The following FABP4 variants were observed in gnomAD, a reference collection of about 807,000 sequenced individuals.
FABP4 encodes the protein fatty acid-binding protein, adipocyte.
Under a neutral mutation model 14.6 loss-of-function variants are expected in FABP4, and 17 were observed. The observed-to-expected ratio is 1.16, with a 90% CI of 0.80 to 1.74. The LOEUF (loss-of-function observed/expected upper bound fraction) is 1.74, where lower values mean the gene tolerates loss of function less well. Ranked by LOEUF, FABP4 falls within the 40% of genes most tolerant of loss-of-function variation. The pLI is 0.00. For synonymous variants in FABP4, 54 were observed against 54.6 expected (o/e 0.99, Z 0.05); for missense variants, 149 against 160.3 (o/e 0.93, Z 0.38).
intron 1 of FABP4, 59 bp downstream of exon 1, chr8:81,483,036 A>G: frequency 7.1e-7 from 1 of 1,413,678 alleles, no homozygotes; most frequent in Non-Finnish European, 9.8e-7. Flanking sequence ...ACAGCTGTAA[A>G]CTCTTTTTCC....
chr8:81,478,819 T>G lies in FABP4; in HGVS notation c.*46A>C. ...TTTGAACAATATATCCCACAGAATG[T>G]TGTAGAGTTCAATGCGAACTTCAGT... On this transcript the variant is annotated 3_prime_UTR_variant, in exon 4 of 4. Coordinates refer to ENST00000256104, the MANE Select transcript of FABP4 (RefSeq NM_001442.3). 6.5e-7 allele frequency: 1 copy of G among 1,532,184 alleles called. No homozygotes were observed. Among genetic ancestry groups the G allele is most frequent in the Non-Finnish European group, 9.0e-7 (1 of 1,112,494 alleles). 94.9% of individuals were successfully genotyped at this position (1,532,184 alleles called of 1,614,324 possible).
Position 81,479,521 on chromosome 8 carries a change from G to A in FABP4, c.247-6C>T, listed in dbSNP as rs766063216. 6 of 1,607,508 alleles carry A rather than the reference G, an allele frequency of 3.7e-6. No homozygotes were observed. The South Asian group carries it at 6.6e-5, about 18-fold the overall frequency. On this transcript the variant is annotated splice_polypyrimidine_tract_variant and splice_region_variant and intron_variant, in intron 2 of 3. Coordinates refer to ENST00000256104, the MANE Select transcript of FABP4 (RefSeq NM_001442.3). ...CCATCTAAGGTTATGGTGCTCTGTA[G>A]GCATAAGAAAATGTAATGACAATGT...
At chr8:81,480,257 G>GA (rs1808056471) in intron 2 of FABP4, among the ~76,000 whole-genome samples, 169 bp downstream of exon 2, 1 of 152,082 alleles carries the variant, frequency 6.6e-6, no homozygotes, top group East Asian at 1.9e-4. Flanking sequence ...ATAAAATGGG[G>GA]AAAAATTCAC....
intron 1 of FABP4, among the ~76,000 whole-genome samples, chr8:81,481,903 A>G (rs911563052): frequency 6.6e-6 from 1 of 152,206 alleles, no homozygotes; most frequent in African/African-American, 2.4e-5. Context: ...AATTTCATGC[A>G]GAAGGTGTTT....
chr8:81,480,044 CA>C, intron 2 of FABP4: 2 of 164,372 alleles, frequency 1.2e-5, no homozygotes, highest in Non-Finnish European at 2.6e-5. Context: ...TCTGTCTCTA[CA>C]AAAAAATTAA....
intron 3 of FABP4, 55 bp from the exon 4 acceptor site, chr8:81,478,970 T>A: frequency 2.1e-6 from 3 of 1,418,510 alleles, no homozygotes; most frequent in Non-Finnish European, 3.0e-6. Flanking sequence ...TGGATTTATT[T>A]ATTGTCTCTC....
At chr8:81,480,314 A>T in intron 2 of FABP4, 112 bp downstream of exon 2, 1 of 1,050,506 alleles carries the variant, frequency 9.5e-7, no homozygotes, top group Non-Finnish European at 1.4e-6. Context: ...GAGTTCAGGG[A>T]TCTTTGGCTT....
intron 1 of FABP4, among the ~76,000 whole-genome samples, chr8:81,481,967 G>A (rs1188494928): frequency 6.6e-6 from 1 of 151,926 alleles, no homozygotes; most frequent in Non-Finnish European, 1.5e-5. Context: ...AGTATTATTA[G>A]AAAATATAAA....
chr8:81,480,353 A>G, intron 2 of FABP4, 73 bp downstream of exon 2: 4 of 1,407,156 alleles, frequency 2.8e-6, no homozygotes, highest in South Asian at 1.5e-5. Context: ...TCCTTTTATC[A>G]TAAAATGATT....
rs369757268 is a variant in FABP4, at chr8:81,478,844, T to G, written c.*21A>C. 6 of 1,609,504 alleles carry G rather than the reference T, an allele frequency of 3.7e-6. No individual in the cohort carries two copies. Among genetic ancestry groups the G allele is most frequent in the Non-Finnish European group, 5.1e-6 (6 of 1,176,700 alleles). ...TTGTAGAGTTCAATGCGAACTTCAG[T>G]CCAGGTCAACGTCCCTTGGCTTATG... On this transcript the variant is annotated 3_prime_UTR_variant, in exon 4 of 4. Coordinates refer to ENST00000256104, the MANE Select transcript of FABP4 (RefSeq NM_001442.3).
chr8:81,480,434 T>C lies in FABP4; in HGVS notation c.238A>G (p.Lys80Glu). 3.7e-6 allele frequency: 6 copies of C among 1,613,492 alleles called. No homozygotes were observed. The highest frequency in any genetic ancestry group is 5.1e-6 in the Non-Finnish European group (6 of 1,179,584). ...ACTTCCTTATTTCTCACCTTGACTT[T>C]CCTGTCATCTGCAGTGACTTCGTCA... ...EFDEVTADDR[K>E]VKSTITLDGG... The change falls in exon 2 of 4, where the codon AAA (lysine) becomes GAA (glutamate). Residue 80 changes from lysine to glutamate, a missense_variant. Transcript: ENST00000256104.
chr8:81,483,221 A>C lies in FABP4; in HGVS notation c.-54T>G. 1 of 1,449,828 alleles carries C rather than the reference A, an allele frequency of 6.9e-7. No individual in the cohort carries two copies. Among genetic ancestry groups the C allele is most frequent in the Non-Finnish European group, 9.6e-7 (1 of 1,045,520 alleles). 89.8% of individuals were successfully genotyped at this position (1,449,828 alleles called of 1,614,324 possible). On this transcript the variant is annotated 5_prime_UTR_variant, in exon 1 of 4. Coordinates refer to ENST00000256104, the MANE Select transcript of FABP4 (RefSeq NM_001442.3). ...AGGTGAGAAGGAAGCTGCAGTTTTCAGGAGGGTGCTGTGACCCTCTTGAGT... is the reference window on the plus strand; with the variant it reads ...AGGTGAGAAGGAAGCTGCAGTTTTCCGGAGGGTGCTGTGACCCTCTTGAGT...
chr8:81,480,661 G>T, intron 1 of FABP4, 63 bp from the exon 2 acceptor site: 1 of 1,483,312 alleles, frequency 6.7e-7, no homozygotes. Context: ...ATCCAAGTCA[G>T]AGAATGTGTG....
intron 1 of FABP4, among the ~76,000 whole-genome samples, chr8:81,482,763 G>A (rs183870598): frequency 9.9e-5 from 15 of 152,264 alleles, no homozygotes; most frequent in Admixed American, 3.3e-4. Flanking sequence ...TGCAAAAGGG[G>A]ATGAAAGAGA....
rs16909196 is a variant in FABP4, at chr8:81,478,672, T to A, written c.*193A>T. The stretch of plus-strand genomic sequence containing the variant: ...AAGAATACATCATAAGCACAATGAA[T>A]ACATCATTACATCACCTTCTAAATC... On this transcript the variant is annotated 3_prime_UTR_variant, in exon 4 of 4. Coordinates refer to ENST00000256104, the MANE Select transcript of FABP4 (RefSeq NM_001442.3). 75,869 of 484,212 alleles carry A rather than the reference T, an allele frequency of 0.16. 6,429 individuals are homozygous for A. Among genetic ancestry groups the A allele is most frequent in the Middle Eastern group, 0.2 (522 of 2,596 alleles). The allele number at this position is 484,212 out of a possible 1,614,324, so 30.0% of individuals were successfully genotyped here.
At chr8:81,482,247 T>C (rs1198502131) in intron 1 of FABP4, among the ~76,000 whole-genome samples, 1 of 152,144 alleles carries the variant, frequency 6.6e-6, no homozygotes, top group East Asian at 1.9e-4. Context: ...TTGCATAAAA[T>C]TCCTCCCCAG....
intron 1 of FABP4, 121 bp downstream of exon 1, chr8:81,482,974 A>G (rs1248251165): frequency 1.6e-5 from 11 of 681,946 alleles, no homozygotes; most frequent in Non-Finnish European, 1.9e-5. Context: ...GCCTCTCTAT[A>G]GAAAGCAGCA....
chr8:81,479,351 GA>G, intron 3 of FABP4, 62 bp downstream of exon 3: 1 of 1,272,876 alleles, frequency 7.9e-7, no homozygotes, highest in Non-Finnish European at 1.1e-6. Flanking sequence ...TCCTTAAGTG[GA>G]ATAGTGATCA....
rs77097739 is a variant in FABP4 at position 81,480,601 on chromosome 8, A to G, written c.74-3T>C. 22,672 of 1,603,318 alleles carry G rather than the reference A, an allele frequency of 0.014. 194 individuals carry two copies. The highest frequency in any genetic ancestry group is 0.017 in the Non-Finnish European group (19,693 of 1,175,304). On this transcript the variant is annotated splice_polypyrimidine_tract_variant and splice_region_variant and intron_variant, in intron 1 of 3. Transcript: ENST00000256104. The stretch of plus-strand genomic sequence containing the variant: ...TTTCCTGGTGGCAAAGCCCACTCCT[A>G]CAGTTAGGAAAAGAAAAGATGTCAG...
Sources: gnomAD v4.1 joint callset for allele counts (sites outside exome capture counted in the v4.1 genomes callset) on GRCh38, gnomAD v4.1.1 for gene constraint, MANE v1.5 for transcripts, NCBI Gene and HGNC (gene_info 2026-07-23, HGNC 2026-07-21) for gene names.